CPE: variants seen among roughly 807,000 people sequenced by gnomAD.
CPE encodes carbocypeptidase E.
CPE carries 17 observed loss-of-function variants against 53.5 expected under a neutral mutation model. The ratio of observed to expected loss-of-function variants is 0.32; its 90% confidence interval spans 0.22 to 0.48. The LOEUF (loss-of-function observed/expected upper bound fraction) is 0.48, where lower values mean the gene tolerates loss of function less well. Among genes scored for constraint, CPE ranks in the 20% least tolerant of loss-of-function variants. The pLI, the probability that CPE is intolerant of heterozygous loss-of-function variation, is 0.99. For synonymous variants in CPE, 226 were observed against 228.8 expected (o/e 0.99, Z 0.11); for missense variants, 524 against 614.7 (o/e 0.85, Z 1.56).
rs370104677 is a variant in CPE, at chr4:165,482,098, A to AT, written c.673-138dup. Reference sequence around the variant, plus strand: ...GAATACTGCTTTTGTAGGAACCTTTATTTTTTCTGTGAGGACAACAGCAAA... The same window carrying AT: ...GAATACTGCTTTTGTAGGAACCTTTATTTTTTTCTGTGAGGACAACAGCAAA... On this transcript the variant is annotated intron_variant, in intron 3 of 8. Transcript: ENST00000402744. 1.0e-3 allele frequency: 430 copies of AT among 426,596 alleles called. 1 individual carries two copies. The highest frequency in any genetic ancestry group is 8.2e-3 in the African/African-American group (404 of 49,154). 26.4% of individuals were successfully genotyped at this position (426,596 alleles called of 1,614,324 possible).
Position 165,379,188 on chromosome 4 carries a change from A to G in CPE, c.-34A>G. 2 of 1,219,792 alleles carry G rather than the reference A, an allele frequency of 1.6e-6. No homozygotes were observed. Among genetic ancestry groups the G allele is most frequent in the Non-Finnish European group, 2.0e-6 (2 of 981,610 alleles). The allele number at this position is 1,219,792 out of a possible 1,614,324, so 75.6% of individuals were successfully genotyped here. On this transcript the variant is annotated 5_prime_UTR_variant, in exon 1 of 9. Coordinates refer to ENST00000402744, the MANE Select transcript of CPE (RefSeq NM_001873.4). This position sits in a 1 kb window ranked among gnomAD's most constrained non-coding sequence, Gnocchi z 6.0. ...GGCAGACAAAAGAGGCCGCCCGCGT[A>G]GGAAGGCACGGCCGGCGGCGGCGGA...
chr4:165,443,550 C>T (rs530543388), intron 1 of CPE, among the ~76,000 whole-genome samples: 105 of 152,248 alleles, frequency 6.9e-4, no homozygotes, highest in African/African-American at 2.4e-3. Flanking sequence ...TGCAGATGGC[C>T]GCCTCCTCAC....
intron 3 of CPE, among the ~76,000 whole-genome samples, chr4:165,481,013 TA>T (rs34482646): frequency 0.18 from 13,025 of 73,702 alleles, 684 homozygotes; most frequent in East Asian, 0.28. Context: ...TATATATATA[TA>T]TATTTTTTTT....
intron 1 of CPE, among the ~76,000 whole-genome samples, chr4:165,398,886 T>C (rs1230870848): frequency 2.0e-5 from 3 of 152,196 alleles, no homozygotes; most frequent in Non-Finnish European, 4.4e-5. Flanking sequence ...CCAGGTGATA[T>C]ACACTGAGGT....
chr4:165,380,107 A>G (rs114198023), intron 1 of CPE, among the ~76,000 whole-genome samples: 3,158 of 152,220 alleles, frequency 0.021, 89 homozygotes, highest in African/African-American at 0.059. Context: ...GTGTATACGT[A>G]TTAGGTACAC....
chr4:165,430,273 C>T (rs1731387709), intron 1 of CPE, among the ~76,000 whole-genome samples: 1 of 152,114 alleles, frequency 6.6e-6, no homozygotes, highest in Admixed American at 6.6e-5. Flanking sequence ...TACTACAGGA[C>T]CTTCTTGTTC....
chr4:165,441,282 G>C (rs980024897), intron 1 of CPE, among the ~76,000 whole-genome samples: 6 of 152,178 alleles, frequency 3.9e-5, no homozygotes, highest in Admixed American at 3.9e-4. Flanking sequence ...AGAGTATCTG[G>C]AGAATGAAGC....
At chr4:165,487,326 C>G in intron 5 of CPE, 112 bp from the exon 6 acceptor site, 1 of 1,428,596 alleles carries the variant, frequency 7.0e-7, no homozygotes. Flanking sequence ...ACAGGCTTCC[C>G]AAATGCCCTG....
chr4:165,386,818 G>A lies in CPE; in HGVS notation c.307+7290G>A, dbSNP rs1267211055. Among the ~76,000 whole-genome samples the A allele has an allele frequency of 5.9e-5, 9 of 152,276 alleles. No individual in the cohort carries two copies. The East Asian group carries it at 1.7e-3, about 29-fold the overall frequency. On this transcript the variant is annotated intron_variant, in intron 1 of 8. Transcript: ENST00000402744. ...TTTAAAAACTCTGCATGAGACCTGA[G>A]TGTTGAAAACTAAGAACTGTGTGCT...
At chr4:165,424,108 A>T (rs1731275763) in intron 1 of CPE, among the ~76,000 whole-genome samples, 1 of 147,572 alleles carries the variant, frequency 6.8e-6, no homozygotes, top group Non-Finnish European at 1.5e-5. Flanking sequence ...TTTTTGCCAT[A>T]TATAACTTCT....
intron 1 of CPE, chr4:165,381,230 T>A (rs941804626): frequency 2.2e-6 from 1 of 455,230 alleles, no homozygotes; most frequent in Admixed American, 2.4e-5. Context: ...ATTTCTTTGC[T>A]TAAGTATCTG....
intron 6 of CPE, among the ~76,000 whole-genome samples, chr4:165,492,394 A>G (rs1732622196): frequency 6.6e-6 from 1 of 152,194 alleles, no homozygotes; most frequent in South Asian, 2.1e-4. Flanking sequence ...ACCAAAATTG[A>G]AAGAGAGTAA....
intron 1 of CPE, among the ~76,000 whole-genome samples, chr4:165,384,099 G>A (rs540802042): frequency 9.8e-5 from 15 of 152,290 alleles, no homozygotes; most frequent in Non-Finnish European, 1.8e-4. Context: ...ACCACGGGGC[G>A]AAATCCTATT....
chr4:165,379,335 G>T lies in CPE; in HGVS notation c.114G>T (p.Arg38Ser). 1 of 1,577,034 alleles carries T rather than the reference G, an allele frequency of 6.3e-7. No homozygotes were observed. The highest frequency in any genetic ancestry group is 8.6e-7 in the Non-Finnish European group (1 of 1,166,128). The change falls in exon 1 of 9, where the codon AGG (arginine) becomes AGT (serine). Residue 38 changes from arginine (R) to serine (S), a missense_variant. Transcript: ENST00000402744. The surrounding 1 kb of genome is among the most constrained non-coding windows in gnomAD (Gnocchi z 6.0). ...QEPGAPAAGM[R>S]RRRRLQQEDG... The stretch of plus-strand genomic sequence containing the variant: ...CCGGGGCGCCCGCGGCGGGCATGAG[G>T]CGGCGCCGGCGGCTGCAGCAAGAGG...
intron 1 of CPE, among the ~76,000 whole-genome samples, chr4:165,429,285 G>C (rs1368358371): frequency 6.6e-6 from 1 of 152,170 alleles, no homozygotes; most frequent in Non-Finnish European, 1.5e-5. Flanking sequence ...TCGGAGTTAT[G>C]ATTCTTTGGG....
chr4:165,448,907 AGTTCCAGTACT>A (rs1731761747), intron 1 of CPE, among the ~76,000 whole-genome samples: 1 of 152,216 alleles, frequency 6.6e-6, no homozygotes, highest in Non-Finnish European at 1.5e-5. Context: ...TGGGTTGCTG[AGTTCCAGTACT>A]GCTGTGAATA....
chr4:165,487,308 G>A (rs566908712), intron 5 of CPE, 130 bp from the exon 6 acceptor site: 14 of 1,274,452 alleles, frequency 1.1e-5, no homozygotes, highest in Non-Finnish European at 1.1e-6. Flanking sequence ...TTTCCCTTAA[G>A]TTTTCCCACA....
intron 1 of CPE, chr4:165,406,005 G>C (rs1251715567): frequency 1.7e-4 from 126 of 751,490 alleles, no homozygotes; most frequent in Non-Finnish European, 5.0e-6. Flanking sequence ...GTTACTTCTT[G>C]AGGGGTCTTG....
intron 7 of CPE, among the ~76,000 whole-genome samples, chr4:165,494,081 T>TA (rs757911202): frequency 1.1e-3 from 169 of 151,772 alleles, no homozygotes; most frequent in African/African-American, 3.0e-3. Flanking sequence ...TAGCTTGGAT[T>TA]AAAAAAAAAT....
Sources: gnomAD v4.1 joint callset for allele counts (sites outside exome capture counted in the v4.1 genomes callset) on GRCh38, gnomAD v4.1.1 for gene constraint, Gnocchi (gnomAD v3.1) non-coding constraint, MANE v1.5 for transcripts, NCBI Gene and HGNC (gene_info 2026-07-23, HGNC 2026-07-21) for gene names.